The following NKAIN1 variants were observed in gnomAD, a reference collection of about 807,000 sequenced individuals.
NKAIN1 encodes the protein sodium/potassium transporting ATPase interacting 1, also known as sodium/potassium-transporting ATPase subunit beta-1-interacting protein 1.
In NKAIN1, 13 loss-of-function variants were observed where a neutral mutation model predicts 31.6. The ratio of observed to expected loss-of-function variants is 0.41; its 90% confidence interval spans 0.27 to 0.65. The LOEUF is 0.65. NKAIN1 is among the 30% of genes least tolerant of loss of function. NKAIN1 has a pLI of 0.30. For synonymous variants in NKAIN1, 104 were observed against 109.0 expected (o/e 0.95, Z 0.28); for missense variants, 193 against 262.2 (o/e 0.74, Z 1.82).
intron 1 of NKAIN1, among the ~76,000 whole-genome samples, chr1:31,230,174 G>A (rs1038221419): frequency 2.6e-5 from 4 of 152,176 alleles, no homozygotes; most frequent in Non-Finnish European, 5.9e-5. Flanking sequence ...TGCAGAACCT[G>A]CAGCCTCATA....
In NKAIN1 at chr1:31,185,103, T is replaced by A. The variant is rs192751617; in HGVS notation, c.273+144A>T. The stretch of plus-strand genomic sequence containing the variant: ...AGAAATAAATTGTGTAAGTAGGAAA[T>A]GGGGCACACAGATTATTTGGGCATG... On this transcript the variant is annotated intron_variant, in intron 3 of 6. Coordinates refer to ENST00000373736, the MANE Select transcript of NKAIN1 (RefSeq NM_024522.3). 9 of 655,094 alleles carry A rather than the reference T, an allele frequency of 1.4e-5. No homozygotes were observed. In the East Asian group the frequency reaches 2.5e-4, roughly 18 times the overall value. 40.6% of individuals were successfully genotyped at this position (655,094 alleles called of 1,614,324 possible).
At position 31,185,325 on chromosome 1, in the gene NKAIN1, A is replaced by C; in HGVS notation, c.195T>G (p.Tyr65Ter). The change falls in exon 3 of 7, where the codon TAT (tyrosine) becomes TAG (stop). Residue 65 changes from tyrosine (Y) to a stop codon, truncating the protein, a stop_gained and splice_region_variant. Coordinates refer to ENST00000373736, the MANE Select transcript of NKAIN1 (RefSeq NM_024522.3). LOFTEE classifies it high-confidence loss of function. ...CAACCCAGAGCACCAGCCAGGCTGC[A>C]TACTGGGGAAAGCAGAGGTGGGATC... is the stretch of plus-strand genomic sequence containing the variant. ...VQYRSRYLIL[Y>*]AAWLVLWVGW... The C allele has an allele frequency of 6.2e-7, 1 of 1,606,874 alleles. No individual in the cohort carries two copies. Among genetic ancestry groups the C allele is most frequent in the South Asian group, 1.1e-5 (1 of 89,682 alleles).
intron 1 of NKAIN1, among the ~76,000 whole-genome samples, chr1:31,193,062 TA>T (rs79918429): frequency 0.49 from 72,659 of 149,228 alleles, 20,888 homozygotes; most frequent in Middle Eastern, 0.7. Context: ...TTTTATTATT[TA>T]TTTTTTTATT....
intron 1 of NKAIN1, among the ~76,000 whole-genome samples, chr1:31,191,278 A>G (rs1377476222): frequency 1.3e-5 from 2 of 151,074 alleles, no homozygotes; most frequent in Non-Finnish European, 3.0e-5. Context: ...GTGACAGAGC[A>G]AGACTCTGTC....
chr1:31,212,889 C>T (rs1412726213), intron 1 of NKAIN1, among the ~76,000 whole-genome samples: 4 of 151,848 alleles, frequency 2.6e-5, no homozygotes, highest in African/African-American at 4.8e-5. Flanking sequence ...CCCAGCTACT[C>T]GGGAGGCTGA....
intron 3 of NKAIN1, 43 bp from the exon 4 acceptor site, chr1:31,184,057 GA>G: frequency 6.4e-7 from 1 of 1,566,014 alleles, no homozygotes; most frequent in South Asian, 1.1e-5. Context: ...GAGGGAGAGG[GA>G]GGGGGGAGCT....
rs187490009 is a variant in NKAIN1, at chr1:31,182,517, G to A, written c.532+13C>T. ...GGCCAGATTCCCCACTTCCCCAGGG[G>A]CGCCTTACTCACAGCTGTCCTCCTC... On this transcript the variant is annotated intron_variant, in intron 5 of 6. Transcript: ENST00000373736. The A allele has an allele frequency of 7.5e-5, 121 of 1,614,064 alleles. No individual in the cohort carries two copies. In the African/African-American group the frequency reaches 1.4e-3, roughly 19 times the overall value.
At chr1:31,223,464 G>C (rs566458440) in intron 1 of NKAIN1, among the ~76,000 whole-genome samples, 1 of 151,602 alleles carries the variant, frequency 6.6e-6, no homozygotes, top group South Asian at 2.1e-4. Context: ...TTTTTGAGAC[G>C]GAGTCTCGCT....
rs751092180 is a variant in NKAIN1 at position 31,188,074 on chromosome 1, C to G, written c.168G>C (p.Gln56His). ...CCAGGATGAGGTACCGGGAGCGGTA[C>G]TGCACGGTGCCAAAGATGCCCAGGA... ...AVILGIFGTV[Q>H]YRSRYLILYA... The change falls in exon 2 of 7, where the codon CAG (glutamine) becomes CAC (histidine). Residue 56 changes from glutamine (Q) to histidine (H), a missense_variant. Physicochemically the swap from Gln to His is conservative, Grantham distance 24 (BLOSUM62 0). Coordinates refer to ENST00000373736, the MANE Select transcript of NKAIN1 (RefSeq NM_024522.3). The G allele has an allele frequency of 6.4e-7, 1 of 1,553,940 alleles. No homozygotes were observed. Among genetic ancestry groups the G allele is most frequent in the African/African-American group, 1.4e-5 (1 of 73,240 alleles).
intron 1 of NKAIN1, 142 bp from the exon 2 acceptor site, chr1:31,188,329 A>G: frequency 1.1e-6 from 1 of 880,264 alleles, no homozygotes; most frequent in South Asian, 1.8e-5. Context: ...CTTCACTACC[A>G]AAGGGATGCT....
intron 1 of NKAIN1, among the ~76,000 whole-genome samples, chr1:31,238,690 C>T (rs1645709885): frequency 1.3e-5 from 2 of 152,188 alleles, no homozygotes; most frequent in Non-Finnish European, 2.9e-5. Context: ...TCCCCATCCC[C>T]ACTGTTGCTG....
chr1:31,185,175 C>A (rs1645233005), intron 3 of NKAIN1, 72 bp downstream of exon 3: 7 of 1,264,912 alleles, frequency 5.5e-6, no homozygotes, highest in Non-Finnish European at 7.9e-6. Flanking sequence ...GGTCCTATAC[C>A]ACAGTACCCT....
At chr1:31,200,800 T>C (rs1002740807) in intron 1 of NKAIN1, among the ~76,000 whole-genome samples, 3 of 152,014 alleles carry the variant, frequency 2.0e-5, no homozygotes, top group Admixed American at 6.6e-5. Flanking sequence ...GACAGTATTC[T>C]GAGTACATAA....
intron 1 of NKAIN1, among the ~76,000 whole-genome samples, chr1:31,198,131 C>A (rs115476533): frequency 6.6e-6 from 1 of 152,234 alleles, no homozygotes; most frequent in African/African-American, 2.4e-5. Flanking sequence ...GGTTCACTGC[C>A]GTATTTTCAG....
At chr1:31,204,330 G>C (rs1645407085) in intron 1 of NKAIN1, among the ~76,000 whole-genome samples, 1 of 152,262 alleles carries the variant, frequency 6.6e-6, no homozygotes, top group Non-Finnish European at 1.5e-5. Context: ...TGGGAGACCA[G>C]GAGGAGATGC....
chr1:31,230,891 T>A (rs1041954633), intron 1 of NKAIN1, among the ~76,000 whole-genome samples: 1 of 149,096 alleles, frequency 6.7e-6, no homozygotes, highest in Non-Finnish European at 1.5e-5. Flanking sequence ...TTTTTTTTTT[T>A]TTTTTTTTGA....
intron 1 of NKAIN1, among the ~76,000 whole-genome samples, chr1:31,206,336 T>C (rs1161642372): frequency 2.6e-5 from 4 of 151,678 alleles, no homozygotes; most frequent in Non-Finnish European, 1.5e-5. Context: ...ATCTTCTTCA[T>C]AGAGAAGTTA....
intron 1 of NKAIN1, among the ~76,000 whole-genome samples, chr1:31,218,016 T>TTTTCTTTCTTTTTTTC: frequency 9.2e-6 from 1 of 108,212 alleles, no homozygotes; most frequent in Non-Finnish European, 1.8e-5. Context: ...GCAGCTACCA[T>TTTTCTTTCTTTTTTTC]TTTCTTTCTT....
chr1:31,182,436 G>A, intron 5 of NKAIN1, 94 bp downstream of exon 5: 1 of 1,438,102 alleles, frequency 7.0e-7, no homozygotes. Context: ...GCCGACCCTG[G>A]GCTCCCTCCC....
Sources: gnomAD v4.1 joint callset for allele counts (sites outside exome capture counted in the v4.1 genomes callset) on GRCh38, gnomAD v4.1.1 for gene constraint, MANE v1.5 for transcripts, NCBI Gene and HGNC (gene_info 2026-07-23, HGNC 2026-07-21) for gene names.